HECW1: variants seen among roughly 807,000 people sequenced by gnomAD.
HECW1 encodes HECT, C2 and WW domain containing E3 ubiquitin protein ligase 1.
Under a neutral mutation model 182.3 loss-of-function variants are expected in HECW1, and 61 were observed. That is an observed-to-expected ratio of 0.33 (90% CI 0.27 to 0.41). The LOEUF is 0.41. Among genes scored for constraint, HECW1 ranks in the 10% least tolerant of loss-of-function variants. The pLI, the probability that HECW1 is intolerant of heterozygous loss-of-function variation, is 1.00. For missense variants in HECW1, 1,739 were observed against 2,108.9 expected (o/e 0.82, Z 3.44); for synonymous variants, 859 against 832.6 (o/e 1.03, Z -0.55).
At chr7:43,393,371 C>A (rs903949646) in intron 6 of HECW1, among the ~76,000 whole-genome samples, 2 of 152,188 alleles carry the variant, frequency 1.3e-5, no homozygotes, top group African/African-American at 4.8e-5. Context: ...AGTCAATAAA[C>A]TGTAAAGAGT....
intron 3 of HECW1, among the ~76,000 whole-genome samples, chr7:43,266,525 G>A (rs765326761): frequency 5.9e-5 from 9 of 151,968 alleles, no homozygotes; most frequent in South Asian, 2.1e-4. Flanking sequence ...TAATAGAGAC[G>A]GAGTTTCACC....
chr7:43,551,867 T>C (rs2081841450), intron 27 of HECW1, among the ~76,000 whole-genome samples: 1 of 152,132 alleles, frequency 6.6e-6, no homozygotes, highest in African/African-American at 2.4e-5. Flanking sequence ...GGCCACCTTC[T>C]GGTTCATAGA....
intron 5 of HECW1, among the ~76,000 whole-genome samples, chr7:43,360,050 G>A (rs113781250): frequency 1.3e-5 from 2 of 152,138 alleles, no homozygotes; most frequent in Admixed American, 6.5e-5. Flanking sequence ...TAATTGAATC[G>A]AAGCACTTTT....
chr7:43,406,908 CA>C (rs549399693), intron 7 of HECW1, among the ~76,000 whole-genome samples: 1 of 151,642 alleles, frequency 6.6e-6, no homozygotes. Flanking sequence ...GACTCCATCT[CA>C]AAAAAAATTA....
At chr7:43,237,794 T>C (rs1798510092) in intron 2 of HECW1, among the ~76,000 whole-genome samples, 1 of 151,824 alleles carries the variant, frequency 6.6e-6, no homozygotes, top group African/African-American at 2.4e-5. Context: ...TGGTGACAGA[T>C]TTTGAAAATA....
chr7:43,212,437 A>G (rs142163797), intron 2 of HECW1, among the ~76,000 whole-genome samples: 39 of 152,330 alleles, frequency 2.6e-4, no homozygotes, highest in African/African-American at 9.4e-4. Context: ...TTTTTAAAAT[A>G]TATAAATTAT....
intron 8 of HECW1, among the ~76,000 whole-genome samples, chr7:43,427,354 A>G (rs987951604): frequency 6.6e-6 from 1 of 152,224 alleles, no homozygotes; most frequent in East Asian, 1.9e-4. Flanking sequence ...CCTTTGAGAC[A>G]TCTAACAGTA....
At chr7:43,337,304 G>A (rs999081364) in intron 5 of HECW1, among the ~76,000 whole-genome samples, 1 of 152,176 alleles carries the variant, frequency 6.6e-6, no homozygotes, top group Non-Finnish European at 1.5e-5. Context: ...TGTTGAGCAT[G>A]TGTTTGTTGA....
intron 1 of HECW1, chr7:43,113,513 G>A: frequency 5.8e-6 from 1 of 171,036 alleles, no homozygotes; most frequent in East Asian, 1.1e-4. Flanking sequence ...GGTGCAGGAG[G>A]GGAGGAGGCG....
chr7:43,495,958 A>C (rs1336648213), intron 19 of HECW1, among the ~76,000 whole-genome samples: 4 of 152,188 alleles, frequency 2.6e-5, no homozygotes, highest in Non-Finnish European at 5.9e-5. Context: ...CAAAGACACA[A>C]AAGTCTCATT....
intron 16 of HECW1, among the ~76,000 whole-genome samples, chr7:43,477,112 T>C (rs2078246584): frequency 6.6e-6 from 1 of 152,166 alleles, no homozygotes; most frequent in Non-Finnish European, 1.5e-5. Context: ...GTAGATTCCC[T>C]GGGAAATTGT....
chr7:43,264,830 T>C (rs112680762), intron 3 of HECW1, among the ~76,000 whole-genome samples: 5,589 of 128,234 alleles, frequency 0.044, 342 homozygotes, highest in African/African-American at 0.15. Flanking sequence ...GGCGACAGAG[T>C]GAGACTCGGT....
chr7:43,391,406 C>A (rs1007049853), intron 6 of HECW1, among the ~76,000 whole-genome samples: 1 of 152,172 alleles, frequency 6.6e-6, no homozygotes, highest in Non-Finnish European at 1.5e-5. Context: ...GGTCCGGGAA[C>A]AAAGTCATTG....
At chr7:43,435,182 C>T (rs2076672491) in intron 8 of HECW1, among the ~76,000 whole-genome samples, 2 of 151,268 alleles carry the variant, frequency 1.3e-5, no homozygotes, top group Non-Finnish European at 2.9e-5. Context: ...AAAAGTTAAA[C>T]TATTATATGT....
intron 4 of HECW1, among the ~76,000 whole-genome samples, chr7:43,319,381 G>A (rs373436850): frequency 1.4e-4 from 9 of 62,938 alleles, no homozygotes; most frequent in African/African-American, 5.4e-4. Flanking sequence ...GCGACAGAGC[G>A]AGACTCCGTC....
chr7:43,326,401 G>A (rs1810792777), intron 5 of HECW1, among the ~76,000 whole-genome samples: 2 of 152,170 alleles, frequency 1.3e-5, no homozygotes, highest in Non-Finnish European at 2.9e-5. Context: ...TGATGGCCAC[G>A]GTGACTTGGG....
intron 6 of HECW1, among the ~76,000 whole-genome samples, chr7:43,380,721 G>T (rs1466330620): frequency 6.6e-6 from 1 of 151,902 alleles, no homozygotes; most frequent in Non-Finnish European, 1.5e-5. Context: ...TAGAGACAGG[G>T]TTTCACCATG....
intron 5 of HECW1, among the ~76,000 whole-genome samples, chr7:43,322,044 G>A (rs566358090): frequency 4.7e-4 from 72 of 152,270 alleles, no homozygotes; most frequent in African/African-American, 1.6e-3. Context: ...TTTGAGATAG[G>A]CATAATAAAA....
intron 28 of HECW1, 135 bp from the exon 29 acceptor site, chr7:43,554,457 C>A: frequency 2.7e-6 from 2 of 745,940 alleles, no homozygotes; most frequent in Non-Finnish European, 4.4e-6. Context: ...TCTCTAAAGG[C>A]CATCACAAGA....
Sources: gnomAD v4.1 joint callset for allele counts (sites outside exome capture counted in the v4.1 genomes callset) on GRCh38, gnomAD v4.1.1 for gene constraint, MANE v1.5 for transcripts, NCBI Gene and HGNC (gene_info 2026-07-23, HGNC 2026-07-21) for gene names.